COL14A1: variants seen among roughly 807,000 people sequenced by gnomAD.
The protein encoded by COL14A1 is collagen type XIV alpha 1 chain, also known as collagen alpha-1(XIV) chain.
In COL14A1, 136 loss-of-function variants were observed where a neutral mutation model predicts 230.3. That is an observed-to-expected ratio of 0.59 (90% CI 0.51 to 0.68). The LOEUF (loss-of-function observed/expected upper bound fraction) is 0.68, where lower values mean the gene tolerates loss of function less well. COL14A1 is among the 30% of genes least tolerant of loss of function. COL14A1 has a pLI of 0.00. For synonymous variants in COL14A1, 792 were observed against 784.1 expected, an observed-to-expected ratio of 1.01 and a Z score of -0.17; for missense variants, 1,976 against 2,215.8, an observed-to-expected ratio of 0.89 and a Z score of 2.17.
At chr8:120,293,565 G>T (rs1221958352) in intron 34 of COL14A1, among the ~76,000 whole-genome samples, 4 of 151,758 alleles carry the variant, frequency 2.6e-5, no homozygotes, top group Non-Finnish European at 5.9e-5. Flanking sequence ...ACTTTAAGAA[G>T]CTAGGGTCAG....
At position 120,315,924 on chromosome 8, in the gene COL14A1, T is replaced by A. The variant is rs1467429383; in HGVS notation, c.4606-20T>A. The A allele has an allele frequency of 1.2e-6, 2 of 1,612,992 alleles. No homozygotes were observed. The highest frequency in any genetic ancestry group is 1.3e-5 in the African/African-American group (1 of 75,036). On this transcript the variant is annotated intron_variant, in intron 39 of 47. Coordinates refer to ENST00000297848, the MANE Select transcript of COL14A1 (RefSeq NM_021110.4). ...CTCATTCCTGTGAACCTGACTCTTT[T>A]TTGTCCCTGTTCTACACAGGGTATC...
Position 120,278,098 on chromosome 8 carries a change from C to A in COL14A1, c.3214-13C>A. ...TACATATGTGTGAAAATGAATACAC[C>A]TTCTCTCTCCAGGTTGCAATGGTTC... is the stretch of plus-strand genomic sequence containing the variant. On this transcript the variant is annotated splice_polypyrimidine_tract_variant and intron_variant, in intron 26 of 47. Coordinates refer to ENST00000297848, the MANE Select transcript of COL14A1 (RefSeq NM_021110.4). 2 of 1,594,520 alleles carry A rather than the reference C, an allele frequency of 1.3e-6. No homozygotes were observed. The highest frequency in any genetic ancestry group is 2.3e-5 in the South Asian group (2 of 87,246).
Position 120,226,799 on chromosome 8 carries a change from T to G in COL14A1, c.2004+33T>G. On this transcript the variant is annotated intron_variant, in intron 16 of 47. Coordinates refer to ENST00000297848, the MANE Select transcript of COL14A1 (RefSeq NM_021110.4). ...TTCTGAAACAGACTGAAAATTAATC[T>G]GGAGCATTAGTGAATACCTACTGCT... 1.9e-6 allele frequency: 3 copies of G among 1,606,928 alleles called. No individual in the cohort carries two copies. In the South Asian group the frequency reaches 3.3e-5, roughly 18 times the overall value.
chr8:120,183,145 A>G (rs1586745176), intron 5 of COL14A1, among the ~76,000 whole-genome samples: 1 of 152,134 alleles, frequency 6.6e-6, no homozygotes, highest in African/African-American at 2.4e-5. Flanking sequence ...GGTACATTAC[A>G]GGAGATGGGG....
At chr8:120,332,468 C>T (rs1821903276) in intron 41 of COL14A1, among the ~76,000 whole-genome samples, 196 bp from the exon 42 acceptor site, 1 of 152,176 alleles carries the variant, frequency 6.6e-6, no homozygotes, top group Non-Finnish European at 1.5e-5. Flanking sequence ...GAAAGAACCA[C>T]ACCTGATATA....
At chr8:120,172,314 C>G (rs1816120543) in intron 5 of COL14A1, among the ~76,000 whole-genome samples, 1 of 152,030 alleles carries the variant, frequency 6.6e-6, no homozygotes, top group Non-Finnish European at 1.5e-5. Flanking sequence ...TCATGCCCAG[C>G]TAATTTTTGT....
At chr8:120,294,114 C>T (rs557214785) in intron 34 of COL14A1, among the ~76,000 whole-genome samples, 4 of 151,594 alleles carry the variant, frequency 2.6e-5, no homozygotes, top group Admixed American at 6.6e-5. Context: ...TATATAAATT[C>T]AGGTACAGCT....
At chr8:120,250,128 A>G (rs894358468) in intron 21 of COL14A1, among the ~76,000 whole-genome samples, 2 of 152,238 alleles carry the variant, frequency 1.3e-5, no homozygotes, top group African/African-American at 4.8e-5. Context: ...CTGGTATTAA[A>G]CATCCTAAAA....
chr8:120,343,685 CAG>C (rs546813678), intron 44 of COL14A1, among the ~76,000 whole-genome samples: 45 of 152,242 alleles, frequency 3.0e-4, no homozygotes, highest in African/African-American at 1.0e-3. Context: ...GTGTCTGTGA[CAG>C]AGAATTTACC....
intron 31 of COL14A1, 46 bp downstream of exon 31, chr8:120,281,105 A>T: frequency 6.5e-7 from 1 of 1,544,070 alleles, no homozygotes; most frequent in Non-Finnish European, 8.8e-7. Flanking sequence ...TGTTTATTAT[A>T]TCTCACTGTG....
intron 44 of COL14A1, among the ~76,000 whole-genome samples, chr8:120,344,509 A>G (rs73706448): frequency 0.015 from 2,290 of 152,368 alleles, 52 homozygotes; most frequent in African/African-American, 0.05. Context: ...TCACCTGCCC[A>G]GGCAACAATG....
chr8:120,130,716 C>CT (rs964826986), intron 1 of COL14A1, among the ~76,000 whole-genome samples: 7 of 151,918 alleles, frequency 4.6e-5, no homozygotes, highest in African/African-American at 9.7e-5. Context: ...GAAATGGATT[C>CT]TTTTTTTTCC....
rs200832762 is a variant in COL14A1 at position 120,278,504 on chromosome 8, A to G, written c.3407A>G (p.Lys1136Arg). Residue 1136 changes from lysine (K) to arginine (R), a missense_variant, in exon 28 of 48, where the codon AAG becomes AGG. By Grantham distance (26) the Lys-to-Arg change is conservative. Transcript: ENST00000297848. ...TCAGGTACAAGAAGGGGCATCCCAA[A>G]GGTTATCGTGGTTATAACTGATGGA... Reference protein sequence around the residue: ...AESGTRRGIPKVIVVITDGRS... With the variant: ...AESGTRRGIPRVIVVITDGRS... 599 of 1,613,214 alleles carry G rather than the reference A, an allele frequency of 3.7e-4. 4 individuals carry two copies. In the East Asian group the frequency reaches 0.011, roughly 29 times the overall value.
chr8:120,318,760 C>T (rs1023508182), intron 40 of COL14A1, among the ~76,000 whole-genome samples: 1 of 152,104 alleles, frequency 6.6e-6, no homozygotes, highest in African/African-American at 2.4e-5. Context: ...ATAATTACAA[C>T]AACAATAACA....
chr8:120,131,540 A>T (rs1235355636), intron 1 of COL14A1, among the ~76,000 whole-genome samples: 36 of 152,178 alleles, frequency 2.4e-4, no homozygotes, highest in Admixed American at 2.4e-3. Flanking sequence ...CCCTTTGCCT[A>T]CATTTTTAAT....
intron 47 of COL14A1, chr8:120,370,919 G>A: frequency 1.7e-6 from 2 of 1,179,698 alleles, no homozygotes; most frequent in Admixed American, 2.9e-5. Context: ...ATATTTAAAT[G>A]GTTGGTTATG....
At chr8:120,306,012 C>T (rs1352447280) in intron 36 of COL14A1, among the ~76,000 whole-genome samples, 1 of 152,110 alleles carries the variant, frequency 6.6e-6, no homozygotes, top group Non-Finnish European at 1.5e-5. Context: ...TTTAACATCA[C>T]AAATTAGATG....
chr8:120,244,981 C>T (rs1214900305), intron 20 of COL14A1, among the ~76,000 whole-genome samples: 1 of 152,168 alleles, frequency 6.6e-6, no homozygotes, highest in African/African-American at 2.4e-5. Context: ...CCCCTCCTGG[C>T]CATTTCCCCA....
chr8:120,253,781 G>A (rs893178316), intron 22 of COL14A1, among the ~76,000 whole-genome samples: 22 of 151,978 alleles, frequency 1.4e-4, no homozygotes, highest in African/African-American at 2.7e-4. Context: ...AAAGTTAGTC[G>A]GGTGTGGCGG....
Sources: allele counts gnomAD v4.1 joint callset (sites outside exome capture counted in the v4.1 genomes callset), GRCh38; gene constraint gnomAD v4.1.1; transcripts MANE v1.5; gene names NCBI Gene and HGNC (gene_info 2026-07-23, HGNC 2026-07-21).